The following GPHN variants were observed in gnomAD, a reference collection of about 807,000 sequenced individuals.
GPHN encodes the protein gephyrin.
GPHN carries 17 observed loss-of-function variants against 95.5 expected under a neutral mutation model. That is an observed-to-expected ratio of 0.18 (90% CI 0.12 to 0.27). The LOEUF (loss-of-function observed/expected upper bound fraction) is 0.27. GPHN is among the 10% of genes least tolerant of loss of function. The pLI is 1.00. For synonymous variants in GPHN, 320 were observed against 322.5 expected (o/e 0.99, Z 0.08); for missense variants, 660 against 978.1 (o/e 0.67, Z 4.34).
intron 1 of GPHN, among the ~76,000 whole-genome samples, chr14:66,580,737 A>G (rs919330631): frequency 6.6e-6 from 1 of 151,844 alleles, no homozygotes; most frequent in South Asian, 2.1e-4. Context: ...AATTCTACCA[A>G]ATATTTAAAG....
chr14:66,607,634 CT>C, intron 1 of GPHN, among the ~76,000 whole-genome samples: 1 of 150,264 alleles, frequency 6.7e-6, no homozygotes, highest in Admixed American at 6.6e-5. Flanking sequence ...TAGTCCATGG[CT>C]TTTTTTTTGT....
the GPHN span, among the ~76,000 whole-genome samples, chr14:67,346,874 A>G: frequency 6.6e-6 from 1 of 152,238 alleles, no homozygotes; most frequent in Non-Finnish European, 1.5e-5. Context: ...CAGTGAATTC[A>G]TATTCAAAAG....
chr14:67,154,644 C>T (rs1450463074), intron 18 of GPHN, among the ~76,000 whole-genome samples: 4 of 151,788 alleles, frequency 2.6e-5, no homozygotes, highest in Admixed American at 6.6e-5. Flanking sequence ...AGAGAAGTTT[C>T]CTGTTCTCAA....
At chr14:67,203,574 C>G in the GPHN span, among the ~76,000 whole-genome samples, 1 of 152,202 alleles carries the variant, frequency 6.6e-6, no homozygotes, top group Non-Finnish European at 1.5e-5. Flanking sequence ...TCCACAGCAT[C>G]CCAGCTTCCA....
chr14:66,563,387 G>A (rs1295745812), intron 1 of GPHN, among the ~76,000 whole-genome samples: 1 of 152,162 alleles, frequency 6.6e-6, no homozygotes, highest in Non-Finnish European at 1.5e-5. Context: ...CCAAAGGCAA[G>A]AATGAAGAGT....
chr14:67,353,448 C>T, the GPHN span, among the ~76,000 whole-genome samples: 1 of 152,104 alleles, frequency 6.6e-6, no homozygotes, highest in Non-Finnish European at 1.5e-5. Flanking sequence ...GAGTTCAAGT[C>T]CAGCATGGGT....
chr14:66,751,057 A>G (rs2058345676), intron 2 of GPHN, among the ~76,000 whole-genome samples: 1 of 151,954 alleles, frequency 6.6e-6, no homozygotes, highest in South Asian at 2.1e-4. Flanking sequence ...AAAACAATAA[A>G]TGATATTGAA....
At chr14:66,978,029 G>T (rs2070378836) in intron 9 of GPHN, among the ~76,000 whole-genome samples, 1 of 152,210 alleles carries the variant, frequency 6.6e-6, no homozygotes, top group Non-Finnish European at 1.5e-5. Flanking sequence ...TAAAAATTAT[G>T]TTTATACTCT....
At chr14:66,897,592 C>T (rs2064920469) in intron 5 of GPHN, among the ~76,000 whole-genome samples, 1 of 152,044 alleles carries the variant, frequency 6.6e-6, no homozygotes, top group Admixed American at 6.6e-5. Flanking sequence ...CAGTATGTAG[C>T]CTTTTGGGAT....
intron 10 of GPHN, among the ~76,000 whole-genome samples, chr14:67,039,190 C>A (rs942229277): frequency 2.6e-5 from 4 of 152,198 alleles, no homozygotes; most frequent in African/African-American, 7.2e-5. Context: ...TCACCTCCAA[C>A]CTCCAGCTTC....
the GPHN span, among the ~76,000 whole-genome samples, chr14:67,314,507 A>G: frequency 6.6e-6 from 1 of 152,220 alleles, no homozygotes; most frequent in African/African-American, 2.4e-5. Flanking sequence ...GTATGATGCT[A>G]AAACCCGTGA....
At chr14:66,590,397 T>C (rs1053098410) in intron 1 of GPHN, among the ~76,000 whole-genome samples, 3 of 151,808 alleles carry the variant, frequency 2.0e-5, no homozygotes, top group Non-Finnish European at 4.4e-5. Flanking sequence ...ATTAACAAAA[T>C]AGATCGAAAG....
the GPHN span, among the ~76,000 whole-genome samples, chr14:67,244,655 C>T: frequency 6.6e-6 from 1 of 152,106 alleles, no homozygotes; most frequent in Non-Finnish European, 1.5e-5. Context: ...AATAAAGTGG[C>T]TGTAAATCTT....
intron 16 of GPHN, among the ~76,000 whole-genome samples, 178 bp downstream of exon 16, chr14:67,113,349 AG>A (rs2078487891): frequency 1.3e-5 from 2 of 152,250 alleles, no homozygotes; most frequent in Non-Finnish European, 2.9e-5. Context: ...TCAGAATATG[AG>A]AACAAAGAAG....
chr14:67,595,351 G>C, the GPHN span, among the ~76,000 whole-genome samples: 1 of 152,048 alleles, frequency 6.6e-6, no homozygotes, highest in African/African-American at 2.4e-5. Context: ...TATTGTTTCC[G>C]CATCATCCTA....
the GPHN span, among the ~76,000 whole-genome samples, chr14:67,652,981 G>A: frequency 6.6e-5 from 10 of 151,998 alleles, no homozygotes; most frequent in Non-Finnish European, 1.5e-4. Flanking sequence ...TAGTAGAGAC[G>A]GGTTTCACCA....
At chr14:66,989,798 A>C (rs779665627) in intron 9 of GPHN, among the ~76,000 whole-genome samples, 11 of 152,176 alleles carry the variant, frequency 7.2e-5, no homozygotes, top group Non-Finnish European at 1.3e-4. Flanking sequence ...AGTATACCTT[A>C]AAGTGCCTTG....
the GPHN span, chr14:67,659,633 T>C: frequency 8.0e-7 from 1 of 1,243,236 alleles, no homozygotes; most frequent in Non-Finnish European, 1.1e-6. Context: ...AAGAGTCTAG[T>C]ATACACTGAT....
the GPHN span, chr14:67,199,001 G>T: frequency 1.4e-6 from 1 of 706,304 alleles, no homozygotes; most frequent in South Asian, 1.5e-5. Flanking sequence ...ACAGAGGGGT[G>T]ACAAGGGAGG....
Sources: allele counts gnomAD v4.1 joint callset (sites outside exome capture counted in the v4.1 genomes callset), GRCh38; gene constraint gnomAD v4.1.1; transcripts MANE v1.5; gene names NCBI Gene and HGNC (gene_info 2026-07-23, HGNC 2026-07-21).